Variants in EBF1 observed in about 807,000 individuals in gnomAD.
EBF1 encodes transcription factor COE1.
In EBF1, 10 loss-of-function variants were observed where a neutral mutation model predicts 68.4. That is an observed-to-expected ratio of 0.15 (90% CI 0.09 to 0.25). The LOEUF (loss-of-function observed/expected upper bound fraction) is 0.25. EBF1 is among the 10% of genes least tolerant of loss of function. EBF1 has a pLI of 1.00. For synonymous variants in EBF1, 298 were observed against 299.8 expected (o/e 0.99, Z 0.06); for missense variants, 509 against 794.4 (o/e 0.64, Z 4.32).
chr5:158,941,228 G>C, intron 6 of EBF1: 1 of 456,030 alleles, frequency 2.2e-6, no homozygotes, highest in South Asian at 1.5e-5. Context: ...ATTTGAGGAA[G>C]AATGATAATG....
At chr5:158,847,410 G>A (rs528008096) in intron 6 of EBF1, among the ~76,000 whole-genome samples, 1 of 152,250 alleles carries the variant, frequency 6.6e-6, no homozygotes, top group South Asian at 2.1e-4. Context: ...TTGCCAATGG[G>A]GAAAGAAAAA....
intron 9 of EBF1, among the ~76,000 whole-genome samples, chr5:158,789,580 G>T (rs1778171412): frequency 1.3e-5 from 2 of 152,166 alleles, no homozygotes; most frequent in South Asian, 4.1e-4. Context: ...GGTGAAGCTG[G>T]ATGTCAAGAG....
At chr5:158,990,507 G>C (rs1760102979) in intron 6 of EBF1, among the ~76,000 whole-genome samples, 1 of 152,190 alleles carries the variant, frequency 6.6e-6, no homozygotes, top group African/African-American at 2.4e-5. Flanking sequence ...ATGACACAAA[G>C]ACAAGCTCTT....
At position 158,725,508 on chromosome 5, in the gene EBF1, C is replaced by G. The variant is rs1762810464; in HGVS notation, c.1125+5561G>C. Among the ~76,000 whole-genome samples, 4 of 152,236 alleles carry G rather than the reference C, an allele frequency of 2.6e-5. No homozygotes were observed. In the South Asian group the frequency reaches 8.3e-4, roughly 32 times the overall value. On this transcript the variant is annotated intron_variant, in intron 11 of 15. Coordinates refer to ENST00000313708, the MANE Select transcript of EBF1 (RefSeq NM_024007.5). Reference sequence around the variant, plus strand: ...GCAAGCACTTAAAATACTGTGATCACTTACAGTAGATTAGAATTTTTTATT... The same window carrying G: ...GCAAGCACTTAAAATACTGTGATCAGTTACAGTAGATTAGAATTTTTTATT...
intron 6 of EBF1, among the ~76,000 whole-genome samples, chr5:158,867,786 T>C (rs1329758106): frequency 6.6e-6 from 1 of 152,236 alleles, no homozygotes; most frequent in African/African-American, 2.4e-5. Context: ...GAGCTAATTA[T>C]TACAATGGAC....
chr5:158,989,017 C>A (rs914701175), intron 6 of EBF1, among the ~76,000 whole-genome samples: 1 of 152,190 alleles, frequency 6.6e-6, no homozygotes, highest in East Asian at 1.9e-4. Context: ...CTCTTCTCTG[C>A]CCCAGAGGAA....
At chr5:159,056,255 C>T (rs148634531) in intron 6 of EBF1, among the ~76,000 whole-genome samples, 1 of 152,308 alleles carries the variant, frequency 6.6e-6, no homozygotes, top group African/African-American at 2.4e-5. Flanking sequence ...TGGTTGACTA[C>T]ATTCAGTCAT....
chr5:158,988,062 T>A (rs908072526), intron 6 of EBF1, among the ~76,000 whole-genome samples: 2 of 152,206 alleles, frequency 1.3e-5, no homozygotes, highest in Non-Finnish European at 2.9e-5. Flanking sequence ...ATACTGTATT[T>A]TCAGCATCTA....
chr5:159,053,920 C>G (rs1449591420), intron 6 of EBF1, among the ~76,000 whole-genome samples: 1 of 152,188 alleles, frequency 6.6e-6, no homozygotes, highest in African/African-American at 2.4e-5. Context: ...AGGATAAGGA[C>G]CTCGCCTTAG....
intron 6 of EBF1, among the ~76,000 whole-genome samples, chr5:159,002,499 T>C (rs557508620): frequency 1.3e-5 from 2 of 152,284 alleles, no homozygotes; most frequent in South Asian, 2.1e-4. Context: ...TGAATAAATA[T>C]AAAAAGAAAC....
intron 6 of EBF1, among the ~76,000 whole-genome samples, chr5:159,042,860 T>TA (rs35868531): frequency 0.35 from 51,585 of 147,764 alleles, 9,795 homozygotes; most frequent in Non-Finnish European, 0.44. Context: ...ACATTCACAG[T>TA]AAAAAAAAAA....
chr5:158,837,085 T>G (rs1005714407), intron 7 of EBF1, among the ~76,000 whole-genome samples: 1 of 152,204 alleles, frequency 6.6e-6, no homozygotes, highest in Non-Finnish European at 1.5e-5. Flanking sequence ...TTATCAGATA[T>G]AGGACTAATC....
At chr5:158,968,847 A>G (rs1309098980) in intron 6 of EBF1, among the ~76,000 whole-genome samples, 2 of 152,202 alleles carry the variant, frequency 1.3e-5, no homozygotes, top group Non-Finnish European at 2.9e-5. Flanking sequence ...TGCCACAAAA[A>G]TCTTGTTCCT....
intron 6 of EBF1, among the ~76,000 whole-genome samples, chr5:158,920,225 A>C (rs1808113695): frequency 1.3e-5 from 2 of 151,182 alleles, no homozygotes; most frequent in African/African-American, 4.9e-5. Flanking sequence ...CAATCCTATC[A>C]GGTATCATGA....
intron 6 of EBF1, among the ~76,000 whole-genome samples, chr5:159,004,432 G>A (rs1347416707): frequency 1.3e-5 from 2 of 152,138 alleles, no homozygotes; most frequent in East Asian, 3.8e-4. Flanking sequence ...ACTATCTTAA[G>A]GTTCAACAGC....
intron 6 of EBF1, among the ~76,000 whole-genome samples, chr5:158,905,554 T>C (rs942875952): frequency 1.3e-5 from 2 of 152,216 alleles, no homozygotes; most frequent in African/African-American, 4.8e-5. Context: ...GTGTCATATT[T>C]ATCTTACTGA....
At chr5:158,890,284 C>T (rs1314589813) in intron 6 of EBF1, among the ~76,000 whole-genome samples, 1 of 152,166 alleles carries the variant, frequency 6.6e-6, no homozygotes, top group Non-Finnish European at 1.5e-5. Flanking sequence ...GCCACTAGGC[C>T]TTTATTCAAT....
At chr5:158,737,266 A>ATTTTTTTTTTTTTTTTTTTTTTTTTTT (rs61380054) in intron 10 of EBF1, among the ~76,000 whole-genome samples, 1 of 55,600 alleles carries the variant, frequency 1.8e-5, no homozygotes, top group Non-Finnish European at 3.0e-5. Context: ...ACATGCCCTG[A>ATTTTTTTTTTTTTTTTTTTTTTTTTTT]TTTTTTTTTT....
chr5:158,952,780 A>G (rs573021254), intron 6 of EBF1, among the ~76,000 whole-genome samples: 1 of 152,320 alleles, frequency 6.6e-6, no homozygotes, highest in South Asian at 2.1e-4. Context: ...CCTAAAAGGG[A>G]AAATTAATTC....
Sources: gnomAD v4.1 joint callset for allele counts (sites outside exome capture counted in the v4.1 genomes callset) on GRCh38, gnomAD v4.1.1 for gene constraint, MANE v1.5 for transcripts, NCBI Gene and HGNC (gene_info 2026-07-23, HGNC 2026-07-21) for gene names.